PDK3: variants seen among roughly 807,000 people sequenced by gnomAD.
PDK3 encodes the protein pyruvate dehydrogenase kinase, isozyme 3.
A neutral mutation model predicts 32.0 loss-of-function variants in PDK3; 12 were observed. That is an observed-to-expected ratio of 0.37 (90% CI 0.24 to 0.61). PDK3 has a LOEUF of 0.61. Ranked by LOEUF, PDK3 falls within the 20% of genes least tolerant of loss-of-function variation. The pLI, the probability that PDK3 is intolerant of heterozygous loss-of-function variation, is 0.65. For missense variants in PDK3, 188 were observed against 316.9 expected, an observed-to-expected ratio of 0.59 and a Z score of 3.09; for synonymous variants, 122 against 116.3, an observed-to-expected ratio of 1.05 and a Z score of -0.31.
At chrX:24,516,316 G>A (rs1662316558) in intron 5 of PDK3, among the ~76,000 whole-genome samples, 1 of 111,358 alleles carries the variant, frequency 9.0e-6, no homozygotes, top group Non-Finnish European at 1.9e-5. Flanking sequence ...ATGCGCCCAC[G>A]AAGCAGCAGT....
downstream of PDK3, among the ~76,000 whole-genome samples, chrX:24,536,381 A>G (rs1297154232): frequency 9.0e-6 from 1 of 111,281 alleles, no homozygotes; most frequent in Non-Finnish European, 1.9e-5. Context: ...TTTTTTTTAA[A>G]TCATTCCTTT....
At chrX:24,511,848 CAAAAA>C (rs769237369) in intron 5 of PDK3, among the ~76,000 whole-genome samples, 1 of 53,256 alleles carries the variant, frequency 1.9e-5, no homozygotes. Context: ...AGCTCCATCT[CAAAAA>C]AAAAAAAAAA....
chrX:24,497,273 CTT>C (rs1921738307), intron 2 of PDK3, among the ~76,000 whole-genome samples: 1 of 110,973 alleles, frequency 9.0e-6, no homozygotes, highest in Admixed American at 9.6e-5. Flanking sequence ...TGCCCAGAGA[CTT>C]TTATTTATTT....
chrX:24,503,005 T>A lies in PDK3; in HGVS notation c.321-322T>A, dbSNP rs1257943976. On this transcript the variant is annotated intron_variant, in intron 3 of 10. Transcript: ENST00000379162. ...TATGTTCTGCAATTCTTTATTCAAC[T>A]TTTATAGAACCTGTGTTATATGCAA... is the stretch of plus-strand genomic sequence containing the variant. Among the ~76,000 whole-genome samples, 4 of 108,735 alleles carry A rather than the reference T, an allele frequency of 3.7e-5. No homozygotes were observed. The East Asian group carries it at 1.1e-3, about 31-fold the overall frequency. 94.4% of individuals were successfully genotyped at this position (108,735 alleles called of 115,157 possible). A position where few individuals can be genotyped will look rare whatever the true frequency, so the allele number is the denominator to read the frequency against.
chrX:24,546,255 G>A (rs1464646565), exon 12 of PDK3: 1 of 111,892 alleles, frequency 8.9e-6, no homozygotes, highest in Non-Finnish European at 1.9e-5. Context: ...AATAGTGTGG[G>A]CTGCTGTTTC....
intron 5 of PDK3, 96 bp from the exon 6 acceptor site, chrX:24,518,837 G>GCGCA: frequency 2.6e-6 from 1 of 380,538 alleles, no homozygotes; most frequent in Admixed American, 4.6e-5. Flanking sequence ...ATGCACATGT[G>GCGCA]CACACACACA....
At chrX:24,528,041 C>A in intron 8 of PDK3, 35 bp from the exon 9 acceptor site, 1 of 848,988 alleles carries the variant, frequency 1.2e-6, no homozygotes. Context: ...AGATCAACTT[C>A]TTTGTTTTGA....
intron 5 of PDK3, among the ~76,000 whole-genome samples, chrX:24,511,725 G>A (rs184641940): frequency 3.6e-5 from 4 of 110,215 alleles, no homozygotes; most frequent in Admixed American, 2.9e-4. Context: ...GCAGGCACCT[G>A]TAATCCCAGC....
chrX:24,515,073 G>A (rs1922220232), intron 5 of PDK3, among the ~76,000 whole-genome samples: 1 of 112,036 alleles, frequency 8.9e-6, no homozygotes, highest in Non-Finnish European at 1.9e-5. Flanking sequence ...AATGCTAAGT[G>A]TGTATTGTGT....
chrX:24,468,973 GC>G (rs752075528), intron 1 of PDK3, among the ~76,000 whole-genome samples: 1 of 111,726 alleles, frequency 9.0e-6, no homozygotes, highest in South Asian at 3.7e-4. Flanking sequence ...CGCATAAATG[GC>G]AGTTTATAGC....
At chrX:24,532,669 C>G (rs1215824463) in intron 10 of PDK3, among the ~76,000 whole-genome samples, 1 of 111,910 alleles carries the variant, frequency 8.9e-6, no homozygotes, top group East Asian at 2.8e-4. Context: ...TTCTGTTCAG[C>G]GAAGATCACC....
downstream of PDK3, among the ~76,000 whole-genome samples, chrX:24,535,559 G>T (rs924830715): frequency 9.4e-6 from 1 of 106,822 alleles, no homozygotes; most frequent in East Asian, 2.9e-4. Context: ...ACATAAGTAA[G>T]CCAAAAAAGA....
At chrX:24,497,307 T>C (rs370629411) in intron 2 of PDK3, among the ~76,000 whole-genome samples, 1 of 111,445 alleles carries the variant, frequency 9.0e-6, no homozygotes, top group South Asian at 3.8e-4. Context: ...TTTTTTGAGA[T>C]GGAGTCTTGC....
chrX:24,547,846 T>C (rs1355552338), exon 12 of PDK3: 1 of 113,096 alleles, frequency 8.8e-6, no homozygotes, highest in Non-Finnish European at 1.9e-5. Context: ...AGAGAATGTA[T>C]ATGAAAGCAT....
intron 1 of PDK3, among the ~76,000 whole-genome samples, chrX:24,467,146 A>T (rs1406666463): frequency 4.5e-5 from 5 of 112,134 alleles, no homozygotes; most frequent in African/African-American, 9.7e-5. Flanking sequence ...AGTGGAGGAT[A>T]GTGTTATCAT....
chrX:24,540,361 C>T (rs760646849), exon 12 of PDK3, among the ~76,000 whole-genome samples: 103 of 111,976 alleles, frequency 9.2e-4, no homozygotes, highest in Non-Finnish European at 2.3e-4. Context: ...ATTTCTGCCC[C>T]GTTTTAATGT....
intron 1 of PDK3, among the ~76,000 whole-genome samples, chrX:24,470,851 G>A (rs1920984626): frequency 9.1e-6 from 1 of 109,566 alleles, no homozygotes; most frequent in South Asian, 3.9e-4. Flanking sequence ...GTTAGTTGAT[G>A]ATTTATTGGG....
intron 5 of PDK3, among the ~76,000 whole-genome samples, chrX:24,510,545 G>A (rs1922092061): frequency 8.9e-6 from 1 of 112,166 alleles, no homozygotes; most frequent in Admixed American, 9.5e-5. Context: ...TTTATAGATA[G>A]GTGTGTAGCT....
intron 3 of PDK3, among the ~76,000 whole-genome samples, chrX:24,499,915 A>G (rs1223675064): frequency 8.9e-6 from 1 of 112,322 alleles, no homozygotes; most frequent in Non-Finnish European, 1.9e-5. Flanking sequence ...AAGGCAGGGA[A>G]GCATTGGGTT....
Sources: gnomAD v4.1 joint callset for allele counts (sites outside exome capture counted in the v4.1 genomes callset) on GRCh38, gnomAD v4.1.1 for gene constraint, MANE v1.5 for transcripts, NCBI Gene and HGNC (gene_info 2026-07-23, HGNC 2026-07-21) for gene names.